CNTLN: variants seen among roughly 807,000 people sequenced by gnomAD.
The protein encoded by CNTLN is centlein, centrosomal protein.
A neutral mutation model predicts 180.0 loss-of-function variants in CNTLN; 212 were observed. That is an observed-to-expected ratio of 1.18 (90% CI 1.05 to 1.32). The LOEUF is 1.32. CNTLN is among the 40% of genes most tolerant of loss of function. CNTLN has a pLI of 0.00. For synonymous variants in CNTLN, 722 were observed against 563.1 expected (o/e 1.28, Z -3.99); for missense variants, 2,095 against 1,610.9 (o/e 1.30, Z -5.14).
intron 16 of CNTLN, among the ~76,000 whole-genome samples, chr9:17,413,821 A>C (rs900784360): frequency 6.6e-6 from 1 of 152,180 alleles, no homozygotes; most frequent in Non-Finnish European, 1.5e-5. Flanking sequence ...TTTCTTAAAA[A>C]CTAAACTTAC....
At chr9:17,155,023 G>C (rs922597777) in intron 2 of CNTLN, among the ~76,000 whole-genome samples, 1 of 152,144 alleles carries the variant, frequency 6.6e-6, no homozygotes, top group Non-Finnish European at 1.5e-5. Context: ...CGAACCACTG[G>C]GAGGAACAGA....
intron 15 of CNTLN, 119 bp downstream of exon 15, chr9:17,395,188 T>A: frequency 7.2e-7 from 1 of 1,383,972 alleles, no homozygotes. Context: ...TACTGTCAGA[T>A]CCTTTGAAAT....
intron 9 of CNTLN, among the ~76,000 whole-genome samples, chr9:17,331,268 C>G (rs903934863): frequency 6.6e-6 from 1 of 151,626 alleles, no homozygotes; most frequent in Non-Finnish European, 1.5e-5. Context: ...TTAACACTAA[C>G]TTCTGCACTT....
chr9:17,172,977 T>C (rs1247605667), intron 2 of CNTLN, among the ~76,000 whole-genome samples: 2 of 152,168 alleles, frequency 1.3e-5, no homozygotes, highest in Non-Finnish European at 2.9e-5. Context: ...GAAAAAATAA[T>C]GGTTATATCC....
chr9:17,145,688 A>G (rs1279222665), intron 2 of CNTLN, among the ~76,000 whole-genome samples: 1 of 152,094 alleles, frequency 6.6e-6, no homozygotes, highest in Non-Finnish European at 1.5e-5. Flanking sequence ...ATGGATTTGG[A>G]CGAATTAATT....
the CNTLN span, among the ~76,000 whole-genome samples, chr9:17,518,036 CTTTTT>C: frequency 1.4e-5 from 1 of 69,230 alleles, no homozygotes; most frequent in Non-Finnish European, 2.4e-5. Flanking sequence ...TTTTCTTTTC[CTTTTT>C]TTTTTTTTTT....
At chr9:17,285,179 A>G (rs1372682855) in intron 6 of CNTLN, among the ~76,000 whole-genome samples, 2 of 106,460 alleles carry the variant, frequency 1.9e-5, no homozygotes, top group Non-Finnish European at 3.5e-5. Context: ...CACAGTCCCC[A>G]GAGTGTGATA....
intron 18 of CNTLN, among the ~76,000 whole-genome samples, chr9:17,443,402 G>T (rs1447035431): frequency 6.6e-6 from 1 of 152,146 alleles, no homozygotes; most frequent in African/African-American, 2.4e-5. Context: ...TTAAATAATA[G>T]CAGGTATTGT....
chr9:17,272,314 A>G (rs12376505), intron 5 of CNTLN, among the ~76,000 whole-genome samples: 33,482 of 151,832 alleles, frequency 0.22, 4,024 homozygotes, highest in South Asian at 0.36. Context: ...TGACCTCGTG[A>G]TCTGCCCGCC....
intron 13 of CNTLN, among the ~76,000 whole-genome samples, chr9:17,387,115 A>G (rs1825739635): frequency 6.6e-6 from 1 of 152,180 alleles, no homozygotes; most frequent in African/African-American, 2.4e-5. Flanking sequence ...TTTCAAAGAC[A>G]AAAGAAATGC....
At chr9:17,389,559 T>C (rs10738477) in intron 14 of CNTLN, among the ~76,000 whole-genome samples, 124,143 of 151,962 alleles carry the variant, frequency 0.82, 51,204 homozygotes, top group Non-Finnish European at 0.87. Context: ...TTCATTGTAC[T>C]GTATGTCAAG....
chr9:17,342,754 T>C (rs549201575), intron 12 of CNTLN, among the ~76,000 whole-genome samples: 15 of 152,306 alleles, frequency 9.8e-5, no homozygotes, highest in African/African-American at 3.1e-4. Context: ...TGCTTCATTT[T>C]TGGAATGAGG....
intron 6 of CNTLN, among the ~76,000 whole-genome samples, chr9:17,279,581 T>G (rs949755554): frequency 6.6e-6 from 1 of 151,976 alleles, no homozygotes; most frequent in Non-Finnish European, 1.5e-5. Flanking sequence ...GAAAAGCAAA[T>G]GTAATGTGAA....
chr9:17,255,465 A>T (rs1029271039), intron 5 of CNTLN, among the ~76,000 whole-genome samples: 9 of 118,286 alleles, frequency 7.6e-5, no homozygotes, highest in Non-Finnish European at 1.0e-4. Context: ...TTTGTCTTTT[A>T]TTCTTTCATC....
chr9:17,335,924 T>TCAAAAA (rs890758086), intron 10 of CNTLN, among the ~76,000 whole-genome samples: 8 of 51,984 alleles, frequency 1.5e-4, no homozygotes, highest in Admixed American at 3.9e-4. Flanking sequence ...CGAGTCTGTC[T>TCAAAAA]CAAAAACAAA....
Position 17,434,677 on chromosome 9 carries a change from AC to A in CNTLN, c.3114+18489del, listed in dbSNP as rs1392423979. Among the ~76,000 whole-genome samples, 8 of 152,272 alleles carry A rather than the reference AC, an allele frequency of 5.3e-5. No homozygotes were observed. In the East Asian group the frequency reaches 1.3e-3, roughly 26 times the overall value. On this transcript the variant is annotated intron_variant, in intron 18 of 25. Transcript: ENST00000380647. ...ATTTCATGGGAACTTGAACAAAATT[AC>A]GATTTCAGCTGCTGTTGAATAGAGT... is the stretch of plus-strand genomic sequence containing the variant.
At chr9:17,426,876 A>G (rs1829118427) in intron 18 of CNTLN, among the ~76,000 whole-genome samples, 1 of 152,068 alleles carries the variant, frequency 6.6e-6, no homozygotes. Context: ...CTTAATATTT[A>G]TGTTAATTTT....
chr9:17,312,387 T>TATATA (rs1554686030), intron 8 of CNTLN, among the ~76,000 whole-genome samples: 1 of 104,924 alleles, frequency 9.5e-6, no homozygotes, highest in Non-Finnish European at 2.1e-5. Flanking sequence ...TATATATAAT[T>TATATA]TATTTATTTA....
chr9:17,459,131 A>T lies in CNTLN; in HGVS notation c.3306+1416A>T, dbSNP rs188349696. On this transcript the variant is annotated intron_variant, in intron 19 of 25. Coordinates refer to ENST00000380647, the MANE Select transcript of CNTLN (RefSeq NM_017738.4). ...TTGTCTAATCTGACTTCTAAAAGAC[A>T]TAAATAGTTTTAAGTTGATTTATAC... Among the ~76,000 whole-genome samples, 208 of 152,026 alleles carry T rather than the reference A, an allele frequency of 1.4e-3. 1 individual carries two copies. The highest frequency in any genetic ancestry group is 2.6e-3 in the Non-Finnish European group (175 of 67,816).
Sources: gnomAD v4.1 joint callset for allele counts (sites outside exome capture counted in the v4.1 genomes callset) on GRCh38, gnomAD v4.1.1 for gene constraint, MANE v1.5 for transcripts, NCBI Gene and HGNC (gene_info 2026-07-23, HGNC 2026-07-21) for gene names.